Variants in TRAF3 observed in about 807,000 individuals in gnomAD.
TRAF3 encodes TNF receptor-associated factor 3.
TRAF3 carries 13 observed loss-of-function variants against 62.3 expected under a neutral mutation model. The observed-to-expected ratio is 0.21, with a 90% CI of 0.14 to 0.33. The LOEUF (loss-of-function observed/expected upper bound fraction) is 0.33, where lower values mean the gene tolerates loss of function less well. Among genes scored for constraint, TRAF3 ranks in the 10% least tolerant of loss-of-function variants. The probability of loss-of-function intolerance (pLI) is 1.00; values close to 1 mark genes in which losing one functional copy is unlikely to be tolerated. For synonymous variants in TRAF3, 269 were observed against 283.4 expected, an observed-to-expected ratio of 0.95 and a Z score of 0.51; for missense variants, 440 against 741.8, an observed-to-expected ratio of 0.59 and a Z score of 4.73.
At chr14:102,863,627 G>T (rs1887806521) in intron 2 of TRAF3, among the ~76,000 whole-genome samples, 1 of 152,158 alleles carries the variant, frequency 6.6e-6, no homozygotes, top group Non-Finnish European at 1.5e-5. Context: ...GAGCCTTCTG[G>T]ATTTCCAAGA....
At chr14:102,887,398 C>T (rs1261569420) in intron 7 of TRAF3, among the ~76,000 whole-genome samples, 1 of 152,184 alleles carries the variant, frequency 6.6e-6, no homozygotes, top group African/African-American at 2.4e-5. Flanking sequence ...AGAGGAGGGC[C>T]CAGAGAGCCA....
At chr14:102,800,731 CTG>C (rs1898350736) in intron 1 of TRAF3, among the ~76,000 whole-genome samples, 1 of 128,398 alleles carries the variant, frequency 7.8e-6, no homozygotes, top group Non-Finnish European at 1.6e-5. Context: ...GACTCTTGCT[CTG>C]TTGCCCAGGC....
intron 2 of TRAF3, among the ~76,000 whole-genome samples, chr14:102,864,114 A>G (rs1429115963): frequency 6.6e-6 from 1 of 151,714 alleles, no homozygotes; most frequent in African/African-American, 2.4e-5. Flanking sequence ...CCAAAGTTTT[A>G]AAATAGTAGA....
At chr14:102,854,810 T>G (rs1458629163) in intron 2 of TRAF3, among the ~76,000 whole-genome samples, 1 of 152,064 alleles carries the variant, frequency 6.6e-6, no homozygotes, top group Admixed American at 6.5e-5. Flanking sequence ...TGTTTTTTTT[T>G]TTTTTTTTTT....
chr14:102,802,391 T>C (rs1382725339), intron 1 of TRAF3, among the ~76,000 whole-genome samples: 1 of 149,940 alleles, frequency 6.7e-6, no homozygotes, highest in Non-Finnish European at 1.5e-5. Flanking sequence ...CCTGACCTCG[T>C]GATCTGCCCG....
chr14:102,802,735 G>C (rs1898519440), intron 1 of TRAF3, among the ~76,000 whole-genome samples: 1 of 152,018 alleles, frequency 6.6e-6, no homozygotes, highest in African/African-American at 2.4e-5. Context: ...GGCTGAGGCA[G>C]GAGAATTGCT....
chr14:102,875,555 T>C (rs1270533297), intron 4 of TRAF3, 69 bp from the exon 5 acceptor site: 5 of 1,404,256 alleles, frequency 3.6e-6, no homozygotes, highest in Middle Eastern at 3.7e-4. Context: ...GGTTTTGCCT[T>C]GTCCAAAGTA....
At position 102,870,251 on chromosome 14, in the gene TRAF3, C is replaced by G. The variant is rs745517643; in HGVS notation, c.50C>G (p.Pro17Arg). Residue 17 changes from proline to arginine, a missense_variant, in exon 3 of 12, where the codon CCG (proline) becomes CGG (arginine). Physicochemically the swap from Pro to Arg is moderately radical, Grantham distance 103. Transcript: ENST00000392745. ...MDSPGALQTN[P>R]PLKLHTDRSA... Reference sequence around the variant, plus strand: ...TCTCCTGGCGCGCTGCAGACTAACCCGCCGCTAAAGCTGCACACTGACCGC... The same window carrying G: ...TCTCCTGGCGCGCTGCAGACTAACCGGCCGCTAAAGCTGCACACTGACCGC... The G allele has an allele frequency of 5.6e-6, 9 of 1,614,056 alleles. No individual in the cohort carries two copies. Among genetic ancestry groups the G allele is most frequent in the Non-Finnish European group, 7.6e-6 (9 of 1,180,042 alleles).
Position 102,836,463 on chromosome 14 carries a change from C to T in TRAF3, c.-18+5991C>T, listed in dbSNP as rs189271839. ...CATAACAAATCTCTATTTAAATTCA[C>T]GGTGTAAACTGCAGTGAATCATTAG... On this transcript the variant is annotated intron_variant, in intron 2 of 11. Coordinates refer to ENST00000392745, the MANE Select transcript of TRAF3 (RefSeq NM_145725.3). 9.7e-4 allele frequency among the ~76,000 whole-genome samples: 147 copies of T among 152,210 alleles called. 2 individuals are homozygous for T. The highest frequency in any genetic ancestry group is 7.3e-3 in the Admixed American group (111 of 15,286).
intron 2 of TRAF3, among the ~76,000 whole-genome samples, chr14:102,856,746 C>T (rs1239289363): frequency 1.3e-5 from 2 of 152,066 alleles, no homozygotes; most frequent in African/African-American, 4.8e-5. Flanking sequence ...TACAGCAGAA[C>T]CCTTAATCCT....
At chr14:102,871,992 A>G in intron 4 of TRAF3, 24 bp downstream of exon 4, 1 of 1,609,394 alleles carries the variant, frequency 6.2e-7, no homozygotes, top group Non-Finnish European at 8.5e-7. Context: ...TTTTTTAATC[A>G]TTTTGTCACA....
intron 6 of TRAF3, among the ~76,000 whole-genome samples, chr14:102,878,800 G>A (rs1288090064): frequency 6.6e-6 from 1 of 152,162 alleles, no homozygotes; most frequent in African/African-American, 2.4e-5. Flanking sequence ...AGGGCAGTGG[G>A]GCAGCCAGAG....
Position 102,903,459 on chromosome 14 carries a change from G to A in TRAF3, c.1135+30G>A, listed in dbSNP as rs770709345. 1.9e-6 allele frequency: 3 copies of A among 1,612,832 alleles called. No individual in the cohort carries two copies. The highest frequency in any genetic ancestry group is 2.5e-6 in the Non-Finnish European group (3 of 1,179,614). On this transcript the variant is annotated intron_variant, in intron 11 of 11. Coordinates refer to ENST00000392745, the MANE Select transcript of TRAF3 (RefSeq NM_145725.3). The surrounding 1 kb of genome is among the most constrained non-coding windows in gnomAD (Gnocchi z 6.4). ...GGCAGGGGCCGGGGCCGGGCCAGCAGTGTGCATCTGGGCCCCGGGCGAGTG... is the reference window on the plus strand; with the variant it reads ...GGCAGGGGCCGGGGCCGGGCCAGCAATGTGCATCTGGGCCCCGGGCGAGTG...
chr14:102,780,625 A>G (rs1897236052), intron 1 of TRAF3, among the ~76,000 whole-genome samples: 1 of 151,610 alleles, frequency 6.6e-6, no homozygotes, highest in South Asian at 2.1e-4. Flanking sequence ...GTTGGTTTCT[A>G]TCAACTTTAG....
rs1010452432 is a variant in TRAF3 at position 102,909,153 on chromosome 14, A to C, written c.*3369A>C. On this transcript the variant is annotated 3_prime_UTR_variant, in exon 12 of 12. Coordinates refer to ENST00000392745, the MANE Select transcript of TRAF3 (RefSeq NM_145725.3). ...CCCCAGCTGGGCTGGAGGGAGCCTG[A>C]GTGAGCCCCGACATACGCTGGGCCT... 3 of 152,258 alleles carry C rather than the reference A, an allele frequency of 2.0e-5. No homozygotes were observed. The highest frequency in any genetic ancestry group is 7.2e-5 in the African/African-American group (3 of 41,452). The allele number at this position is 152,258 out of a possible 1,614,324, so 9.4% of individuals were successfully genotyped here. A position where few individuals can be genotyped will look rare whatever the true frequency, so the allele number is the denominator to read the frequency against.
At chr14:102,892,864 T>C (rs1889799794) in intron 9 of TRAF3, among the ~76,000 whole-genome samples, 1 of 152,220 alleles carries the variant, frequency 6.6e-6, no homozygotes, top group Admixed American at 6.5e-5. Flanking sequence ...AGAACAGCGC[T>C]GATGAGCAGC....
chr14:102,872,053 C>A, intron 4 of TRAF3, 85 bp downstream of exon 4: 1 of 1,401,870 alleles, frequency 7.1e-7, no homozygotes, highest in Non-Finnish European at 1.0e-6. Flanking sequence ...GGCACTCTGG[C>A]ACAACACATT....
chr14:102,778,267 C>T (rs1224926555), intron 1 of TRAF3, among the ~76,000 whole-genome samples: 2 of 151,704 alleles, frequency 1.3e-5, no homozygotes, highest in African/African-American at 4.8e-5. Flanking sequence ...GGGCACCGGG[C>T]GGCTCCTGGC....
intron 1 of TRAF3, among the ~76,000 whole-genome samples, chr14:102,778,615 A>C (rs1897139946): frequency 6.7e-6 from 1 of 148,152 alleles, no homozygotes; most frequent in East Asian, 2.0e-4. Context: ...GTGTATGGAT[A>C]TAATTCATTC....
Sources: gnomAD v4.1 joint callset for allele counts (sites outside exome capture counted in the v4.1 genomes callset) on GRCh38, gnomAD v4.1.1 for gene constraint, Gnocchi (gnomAD v3.1) non-coding constraint, MANE v1.5 for transcripts, NCBI Gene and HGNC (gene_info 2026-07-23, HGNC 2026-07-21) for gene names.